A1CF: variants seen among roughly 807,000 people sequenced by gnomAD.
A1CF encodes APOBEC1 complementation factor.
Under a neutral mutation model 68.9 loss-of-function variants are expected in A1CF, and 48 were observed. That is an observed-to-expected ratio of 0.70 (90% CI 0.55 to 0.89). The LOEUF (loss-of-function observed/expected upper bound fraction) is 0.89, where lower values mean the gene tolerates loss of function less well. A1CF is among the 40% of genes least tolerant of loss of function. The probability of loss-of-function intolerance (pLI) is 0.00; values close to 1 mark genes in which losing one functional copy is unlikely to be tolerated. For synonymous variants in A1CF, 272 were observed against 260.4 expected, an observed-to-expected ratio of 1.04 and a Z score of -0.43; for missense variants, 653 against 718.9, an observed-to-expected ratio of 0.91 and a Z score of 1.05.
chr10:50,843,838 T>C (rs914557997), intron 4 of A1CF, 150 bp downstream of exon 4: 61 of 956,488 alleles, frequency 6.4e-5, no homozygotes, highest in Non-Finnish European at 8.7e-5. Flanking sequence ...TATAAAGAGA[T>C]AATCACTAGA....
chr10:50,838,249 G>A (rs1270605121), intron 5 of A1CF, among the ~76,000 whole-genome samples: 1 of 152,188 alleles, frequency 6.6e-6, no homozygotes, highest in South Asian at 2.1e-4. Flanking sequence ...TGTCTCCTAC[G>A]CTTTGCTGAA....
intron 3 of A1CF, among the ~76,000 whole-genome samples, chr10:50,855,295 A>C (rs1001148147): frequency 5.3e-4 from 80 of 152,064 alleles, no homozygotes; most frequent in African/African-American, 1.7e-3. Context: ...TACAGTTAAG[A>C]ATAAAAAAGT....
intron 2 of A1CF, chr10:50,862,774 C>G (rs1307206569): frequency 1.3e-5 from 2 of 152,186 alleles, no homozygotes; most frequent in African/African-American, 4.8e-5. Context: ...CAAATGCTAC[C>G]AAAATTGTCT....
intron 5 of A1CF, among the ~76,000 whole-genome samples, chr10:50,840,611 G>A (rs768921109): frequency 7.2e-5 from 11 of 152,114 alleles, no homozygotes; most frequent in African/African-American, 1.4e-4. Context: ...TTATCAAAAC[G>A]GGCAATTGGT....
chr10:50,879,108 A>G (rs1841656165), intron 1 of A1CF, among the ~76,000 whole-genome samples: 1 of 152,204 alleles, frequency 6.6e-6, no homozygotes, highest in South Asian at 2.1e-4. Flanking sequence ...GTATTTTAAC[A>G]AAACTTGTGG....
intron 6 of A1CF, 39 bp from the exon 7 acceptor site, chr10:50,828,334 A>G: frequency 6.9e-7 from 1 of 1,451,554 alleles, no homozygotes; most frequent in Non-Finnish European, 9.3e-7. Flanking sequence ...ATTATGTAGG[A>G]ATCAGGACAA....
chr10:50,851,792 T>C (rs1185713279), intron 3 of A1CF, among the ~76,000 whole-genome samples: 2 of 152,234 alleles, frequency 1.3e-5, no homozygotes, highest in Admixed American at 6.5e-5. Flanking sequence ...ATGTGGACAA[T>C]GTGCCATTTA....
intron 1 of A1CF, among the ~76,000 whole-genome samples, chr10:50,865,221 T>C (rs1840929755): frequency 6.6e-6 from 1 of 152,108 alleles, no homozygotes. Context: ...ATTAGGCCAC[T>C]GCACTCCAGC....
chr10:50,806,944 T>A (rs1290718599), intron 12 of A1CF, 64 bp from the exon 13 acceptor site: 1 of 1,516,346 alleles, frequency 6.6e-7, no homozygotes, highest in East Asian at 2.3e-5. Flanking sequence ...TTGGCTTATT[T>A]GTCTTCTTTT....
chr10:50,840,334 A>G (rs969730663), intron 5 of A1CF, among the ~76,000 whole-genome samples: 2 of 151,582 alleles, frequency 1.3e-5, no homozygotes, highest in Admixed American at 6.6e-5. Flanking sequence ...TGGGTTAAGC[A>G]CTGTAAAGTT....
intron 1 of A1CF, among the ~76,000 whole-genome samples, chr10:50,876,147 C>A (rs1841501493): frequency 6.6e-6 from 1 of 152,128 alleles, no homozygotes; most frequent in African/African-American, 2.4e-5. Flanking sequence ...TCCATCAGAT[C>A]TTGGGTATAT....
intron 7 of A1CF, among the ~76,000 whole-genome samples, 185 bp from the exon 8 acceptor site, chr10:50,820,834 T>C (rs1838621129): frequency 6.6e-6 from 1 of 152,172 alleles, no homozygotes; most frequent in Admixed American, 6.5e-5. Context: ...AAATTTATAT[T>C]CTGACTTATT....
intron 5 of A1CF, among the ~76,000 whole-genome samples, chr10:50,841,414 C>A (rs1839769908): frequency 6.6e-6 from 1 of 152,166 alleles, no homozygotes; most frequent in African/African-American, 2.4e-5. Flanking sequence ...TCTTTTCATT[C>A]AAGTCTCAGA....
rs1837709332 is a variant in A1CF at position 50,803,814 on chromosome 10, G to A, written c.*2915C>T. The A allele has an allele frequency of 6.6e-6, 1 of 152,090 alleles. No homozygotes were observed. Among genetic ancestry groups the A allele is most frequent in the Admixed American group, 6.6e-5 (1 of 15,258 alleles). The allele number at this position is 152,090 out of a possible 1,614,324, so 9.4% of individuals were successfully genotyped here. A position where few individuals can be genotyped will look rare whatever the true frequency, so the allele number is the denominator to read the frequency against. On this transcript the variant is annotated 3_prime_UTR_variant, in exon 13 of 13. Transcript: ENST00000373997. Reference sequence around the variant, plus strand: ...GACAAATTTTAATTTTTTCTGTAAAGAATTAGGAAGCATTCAAATAAGAAA... The same window carrying A: ...GACAAATTTTAATTTTTTCTGTAAAAAATTAGGAAGCATTCAAATAAGAAA...
intron 12 of A1CF, among the ~76,000 whole-genome samples, chr10:50,809,139 A>G (rs1393130897): frequency 6.6e-6 from 1 of 152,178 alleles, no homozygotes; most frequent in African/African-American, 2.4e-5. Context: ...TACATAACAA[A>G]TGGGGACAAA....
chr10:50,875,650 A>G (rs1245065110), intron 1 of A1CF, among the ~76,000 whole-genome samples: 1 of 152,144 alleles, frequency 6.6e-6, no homozygotes, highest in African/African-American at 2.4e-5. Flanking sequence ...TGCTTTTGGT[A>G]CATATGTATC....
intron 1 of A1CF, among the ~76,000 whole-genome samples, chr10:50,884,631 C>T (rs1052053227): frequency 6.6e-6 from 1 of 152,162 alleles, no homozygotes; most frequent in African/African-American, 2.4e-5. Flanking sequence ...AACACTAATC[C>T]TGCACAATGT....
intron 3 of A1CF, among the ~76,000 whole-genome samples, chr10:50,859,310 G>C (rs1470707643): frequency 6.6e-6 from 1 of 152,144 alleles, no homozygotes; most frequent in East Asian, 1.9e-4. Context: ...TTTTAAGATT[G>C]TGGTGTTTTC....
rs151098963 is a variant in A1CF, at chr10:50,828,142, T to C, written c.758A>G (p.Asn253Ser). Residue 253 changes from asparagine to serine, a missense_variant, in exon 7 of 13, where the codon AAT becomes AGT. By Grantham distance (46) the Asn-to-Ser change is conservative (BLOSUM62 1). Coordinates refer to ENST00000373997, the MANE Select transcript of A1CF (RefSeq NM_014576.4). The stretch of plus-strand genomic sequence containing the variant: ...TATATATGTCCTACCTGGTTTGATA[T>C]TGTTGAATTCCTTTTCAATCATCTC... ...SEEMIEKEFN[N>S]IKPGAVERVK... 71 of 1,584,848 alleles carry C rather than the reference T, an allele frequency of 4.5e-5. No individual in the cohort carries two copies. Among genetic ancestry groups the C allele is most frequent in the Non-Finnish European group, 5.9e-5 (68 of 1,160,468 alleles).
Sources: gnomAD v4.1 joint callset for allele counts (sites outside exome capture counted in the v4.1 genomes callset) on GRCh38, gnomAD v4.1.1 for gene constraint, MANE v1.5 for transcripts, NCBI Gene and HGNC (gene_info 2026-07-23, HGNC 2026-07-21) for gene names.